The following TLN2 variants were observed in gnomAD, a reference collection of about 807,000 sequenced individuals.
The protein encoded by TLN2 is talin-2.
A neutral mutation model predicts 294.7 loss-of-function variants in TLN2; 118 were observed. That is an observed-to-expected ratio of 0.40 (90% CI 0.34 to 0.47). TLN2 has a LOEUF of 0.47. TLN2 is among the 20% of genes least tolerant of loss of function. The pLI, the probability that TLN2 is intolerant of heterozygous loss-of-function variation, is 0.84. For missense variants in TLN2, 3,083 were observed against 3,282.2 expected (o/e 0.94, Z 1.48); for synonymous variants, 1,431 against 1,304.5 (o/e 1.10, Z -2.09).
intron 10 of TLN2, among the ~76,000 whole-genome samples, chr15:62,674,174 T>C (rs755071964): frequency 1.4e-4 from 22 of 152,338 alleles, no homozygotes; most frequent in Non-Finnish European, 2.8e-4. Context: ...GGTGATAGAC[T>C]GTTAACATGC....
At chr15:62,511,354 A>G (rs1383915229) in intron 1 of TLN2, among the ~76,000 whole-genome samples, 2 of 152,248 alleles carry the variant, frequency 1.3e-5, no homozygotes, top group East Asian at 3.8e-4. Context: ...TCCTCAAAAC[A>G]GCTGGGTCTA....
chr15:62,632,566 T>A (rs2050008329), intron 3 of TLN2, among the ~76,000 whole-genome samples: 1 of 152,224 alleles, frequency 6.6e-6, no homozygotes, highest in African/African-American at 2.4e-5. Context: ...ACCCGCCAAC[T>A]CTCAGTGAGA....
At chr15:62,697,368 A>G (rs2058419064) in intron 14 of TLN2, among the ~76,000 whole-genome samples, 2 of 152,182 alleles carry the variant, frequency 1.3e-5, no homozygotes, top group South Asian at 4.1e-4. Context: ...TTTGGCCTCC[A>G]AAAGGGCTGG....
intron 3 of TLN2, among the ~76,000 whole-genome samples, chr15:62,640,947 G>A (rs148924012): frequency 0.012 from 1,887 of 151,936 alleles, 41 homozygotes; most frequent in African/African-American, 0.043. Flanking sequence ...GATTACAGGC[G>A]CCCGCCACCA....
At chr15:62,761,921 A>G (rs1595904680) in intron 38 of TLN2, 100 bp downstream of exon 38, 3 of 1,483,866 alleles carry the variant, frequency 2.0e-6, no homozygotes, top group Middle Eastern at 1.7e-4. Flanking sequence ...CTCTCTGTCA[A>G]CATGTAGGCT....
chr15:62,712,789 C>T (rs2059507007), intron 22 of TLN2, among the ~76,000 whole-genome samples: 1 of 152,118 alleles, frequency 6.6e-6, no homozygotes, highest in African/African-American at 2.4e-5. Flanking sequence ...TTCCGATGTG[C>T]ATCTCTAGGT....
At chr15:62,402,917 G>A (rs1308652308) in intron 1 of TLN2, among the ~76,000 whole-genome samples, 1 of 152,112 alleles carries the variant, frequency 6.6e-6, no homozygotes, top group African/African-American at 2.4e-5. Context: ...GTCCCCATCA[G>A]AAACATGCAG....
rs2045873487 is a variant in TLN2 at position 62,588,935 on chromosome 15, G to A, written c.-237-752G>A. Among the ~76,000 whole-genome samples the A allele has an allele frequency of 1.3e-5, 2 of 151,496 alleles. 1 individual carries two copies. On this transcript the variant is annotated intron_variant, in intron 1 of 58. Transcript: ENST00000636159. ...TTTTGAGTTTATTCTTCCATAAGTA[G>A]GGAGAGAGAGATGTAGAGTTTTCTT...
At position 62,648,660 on chromosome 15, in the gene TLN2, G is replaced by A. The variant is rs569380773; in HGVS notation, c.136+1214G>A. Among the ~76,000 whole-genome samples the A allele has an allele frequency of 6.7e-5, 10 of 148,878 alleles. No homozygotes were observed. In the East Asian group the frequency reaches 2.0e-3, roughly 30 times the overall value. On this transcript the variant is annotated intron_variant, in intron 4 of 58. Coordinates refer to ENST00000636159, the MANE Select transcript of TLN2 (RefSeq NM_015059.3). ...CCTTCCGAGTTTAAGCGATTCTCCT[G>A]CCTCAGCCTCCCAAGTAGCTGGGAT...
intron 54 of TLN2, chr15:62,833,265 C>T: frequency 2.0e-6 from 1 of 492,790 alleles, no homozygotes; most frequent in Non-Finnish European, 3.6e-6. Context: ...AGGTACCAGC[C>T]ACATCTTCCA....
intron 1 of TLN2, among the ~76,000 whole-genome samples, chr15:62,580,851 G>A (rs540324287): frequency 2.2e-5 from 3 of 137,238 alleles, no homozygotes; most frequent in South Asian, 4.9e-4. Flanking sequence ...CCTTCGCCCC[G>A]CCCCCTGACC....
At chr15:62,788,000 T>G (rs1461535987) in intron 45 of TLN2, among the ~76,000 whole-genome samples, 1 of 148,744 alleles carries the variant, frequency 6.7e-6, no homozygotes, top group South Asian at 2.2e-4. Context: ...TCTAAATCTC[T>G]TATCTTTTTG....
chr15:62,429,084 C>T (rs1001590830), intron 1 of TLN2, among the ~76,000 whole-genome samples: 14 of 136,148 alleles, frequency 1.0e-4, no homozygotes, highest in Non-Finnish European at 2.1e-4. Context: ...GACAGGTCAC[C>T]AGGCCAGAGC....
At chr15:62,728,867 T>C (rs1371965723) in intron 28 of TLN2, among the ~76,000 whole-genome samples, 1 of 152,234 alleles carries the variant, frequency 6.6e-6, no homozygotes, top group African/African-American at 2.4e-5. Flanking sequence ...TATATTCCAA[T>C]TTATACTTTT....
At chr15:62,712,818 A>G (rs2059508561) in intron 22 of TLN2, among the ~76,000 whole-genome samples, 1 of 152,228 alleles carries the variant, frequency 6.6e-6, no homozygotes, top group South Asian at 2.1e-4. Context: ...TTTTAAATGA[A>G]TAAGGCTATA....
Position 62,781,320 on chromosome 15 carries a change from A to G in TLN2, c.5616+79A>G. On this transcript the variant is annotated intron_variant, in intron 44 of 58. Coordinates refer to ENST00000636159, the MANE Select transcript of TLN2 (RefSeq NM_015059.3). ...CCGCCGCTGAGCCTGCAAATCCCAG[A>G]TCTGTGTCAGAGAGAGAGCCCAGAC... 3.5e-6 allele frequency: 4 copies of G among 1,134,864 alleles called. No homozygotes were observed. The South Asian group carries it at 5.2e-5, about 15-fold the overall frequency. The allele number at this position is 1,134,864 out of a possible 1,614,324, so 70.3% of individuals were successfully genotyped here. A position where few individuals can be genotyped will look rare whatever the true frequency, so the allele number is the denominator to read the frequency against.
At chr15:62,641,867 C>G (rs1351980729) in intron 3 of TLN2, among the ~76,000 whole-genome samples, 1 of 152,182 alleles carries the variant, frequency 6.6e-6, no homozygotes, top group Admixed American at 6.5e-5. Flanking sequence ...GGGAAGGCTG[C>G]TCATCTTGAC....
At chr15:62,521,071 T>A (rs2040433828) in intron 1 of TLN2, among the ~76,000 whole-genome samples, 1 of 152,202 alleles carries the variant, frequency 6.6e-6, no homozygotes, top group East Asian at 1.9e-4. Flanking sequence ...CCTTTGTCCC[T>A]CCCATAGATT....
intron 1 of TLN2, among the ~76,000 whole-genome samples, chr15:62,485,277 G>C (rs1386976275): frequency 6.6e-6 from 1 of 152,228 alleles, no homozygotes; most frequent in Non-Finnish European, 1.5e-5. Context: ...ACAGGTTCTG[G>C]AGAATAGGAC....
Sources: gnomAD v4.1 joint callset for allele counts (sites outside exome capture counted in the v4.1 genomes callset) on GRCh38, gnomAD v4.1.1 for gene constraint, MANE v1.5 for transcripts, NCBI Gene and HGNC (gene_info 2026-07-23, HGNC 2026-07-21) for gene names.